SPATA6L: variants seen among roughly 807,000 people sequenced by gnomAD.
SPATA6L encodes spermatogenesis associated 6 like, also known as spermatogenesis associated 6-like protein.
SPATA6L carries 68 observed loss-of-function variants against 49.2 expected under a neutral mutation model. The ratio of observed to expected loss-of-function variants is 1.38; its 90% CI spans 1.14 to 1.69. SPATA6L has a LOEUF of 1.69. Ranked by LOEUF, SPATA6L falls within the 40% of genes most tolerant of loss-of-function variation. The probability of loss-of-function intolerance (pLI) is 0.00; values close to 1 mark genes in which losing one functional copy is unlikely to be tolerated. For missense variants in SPATA6L, 668 were observed against 464.3 expected (o/e 1.44, Z -4.03); for synonymous variants, 198 against 165.7 (o/e 1.19, Z -1.50).
At chr9:4,641,789 T>C (rs10815047) in intron 3 of SPATA6L, among the ~76,000 whole-genome samples, 10,551 of 152,300 alleles carry the variant, frequency 0.069, 606 homozygotes, top group African/African-American at 0.14. Flanking sequence ...TTTTGTTTTG[T>C]TGAGACAGGG....
At chr9:4,605,562 T>C in intron 9 of SPATA6L, 122 bp from the exon 10 acceptor site, 1 of 648,636 alleles carries the variant, frequency 1.5e-6, no homozygotes, top group African/African-American at 1.8e-5. Context: ...GCATGCAAAA[T>C]GGTAAACATA....
chr9:4,641,892 C>A (rs1834112776), intron 3 of SPATA6L, among the ~76,000 whole-genome samples: 1 of 152,184 alleles, frequency 6.6e-6, no homozygotes. Flanking sequence ...CCCAGCCTCC[C>A]AAGTAGCTGG....
chr9:4,649,120 T>A (rs59707478), intron 3 of SPATA6L, among the ~76,000 whole-genome samples: 1 of 151,946 alleles, frequency 6.6e-6, no homozygotes, highest in Admixed American at 6.6e-5. Context: ...TATCCACTCG[T>A]TGATTGATGG....
intron 6 of SPATA6L, 168 bp downstream of exon 6, chr9:4,625,159 G>A (rs1022278912): frequency 2.6e-5 from 33 of 1,277,742 alleles, no homozygotes; most frequent in Non-Finnish European, 3.2e-5. Context: ...GGGGTTTCCT[G>A]ACAACGATCT....
Position 4,598,739 on chromosome 9 carries a change from T to C in SPATA6L, c.*2072A>G, listed in dbSNP as rs1822562076. Among the ~76,000 whole-genome samples, 1 of 152,230 alleles carries C rather than the reference T, an allele frequency of 6.6e-6. No individual in the cohort carries two copies. The highest frequency in any genetic ancestry group is 2.1e-4 in the South Asian group (1 of 4,834). ...GCTGCTTACGTAAGCAGCCCTCTCC[T>C]GAGACTTATAGCGTAACCTTAATGT... On this transcript the variant is annotated 3_prime_UTR_variant, in exon 12 of 12. Transcript: ENST00000682582.
chr9:4,650,954 G>A (rs1051284437), intron 3 of SPATA6L, among the ~76,000 whole-genome samples: 10 of 151,786 alleles, frequency 6.6e-5, no homozygotes, highest in Non-Finnish European at 1.5e-4. Flanking sequence ...TGCTCGCCTT[G>A]GCCTCCCAAA....
intron 1 of SPATA6L, chr9:4,664,900 G>T (rs1278726689): frequency 6.0e-6 from 1 of 167,106 alleles, no homozygotes; most frequent in African/African-American, 2.4e-5. Flanking sequence ...TGCTAAAGCA[G>T]CTAAACTGTG....
chr9:4,606,597 G>A lies in SPATA6L; in HGVS notation c.996-1157C>T, dbSNP rs1211168642. On this transcript the variant is annotated intron_variant, in intron 9 of 11. Transcript: ENST00000682582. The stretch of plus-strand genomic sequence containing the variant: ...CCTGCAGCTGAGGGTCCTGTTAGAA[G>A]GAAAACTAACAAACAGAAAGGACAT... Among the ~76,000 whole-genome samples, 2 of 37,094 alleles carry A rather than the reference G, an allele frequency of 5.4e-5. 1 individual carries two copies. Among genetic ancestry groups the A allele is most frequent in the Non-Finnish European group, 1.3e-4 (2 of 14,970 alleles). The allele number at this position is 37,094 out of a possible 152,430, so 24.3% of individuals were successfully genotyped here. A position where few individuals can be genotyped will look rare whatever the true frequency, so the allele number is the denominator to read the frequency against.
chr9:4,654,624 G>A (rs555217867), intron 3 of SPATA6L, among the ~76,000 whole-genome samples: 1 of 152,232 alleles, frequency 6.6e-6, no homozygotes, highest in Non-Finnish European at 1.5e-5. Flanking sequence ...TTTATTGAGT[G>A]GGGGTAGCTT....
rs746572781 is a variant in SPATA6L, at chr9:4,599,063, C to T, written c.*1748G>A. Reference sequence around the variant, plus strand: ...AGGGGATAGGACCCAAGTCTAAACACGAAATTCATTTACGTTTTATATACA... The same window carrying T: ...AGGGGATAGGACCCAAGTCTAAACATGAAATTCATTTACGTTTTATATACA... On this transcript the variant is annotated 3_prime_UTR_variant, in exon 12 of 12. Transcript: ENST00000682582. Among the ~76,000 whole-genome samples, 15 of 152,286 alleles carry T rather than the reference C, an allele frequency of 9.8e-5. No homozygotes were observed. The highest frequency in any genetic ancestry group is 1.5e-4 in the Non-Finnish European group (10 of 68,016).
intron 7 of SPATA6L, among the ~76,000 whole-genome samples, chr9:4,620,451 A>C (rs1003830522): frequency 7.2e-5 from 11 of 152,178 alleles, no homozygotes; most frequent in African/African-American, 2.7e-4. Flanking sequence ...GAAAAGGAGA[A>C]TCCTAAGCTC....
At chr9:4,651,854 T>C (rs1484959643) in intron 3 of SPATA6L, among the ~76,000 whole-genome samples, 1 of 152,176 alleles carries the variant, frequency 6.6e-6, no homozygotes, top group Non-Finnish European at 1.5e-5. Flanking sequence ...CAACTAATGG[T>C]GAAAAACTGA....
At chr9:4,605,128 C>A (rs1453126213) in intron 10 of SPATA6L, among the ~76,000 whole-genome samples, 1 of 152,134 alleles carries the variant, frequency 6.6e-6, no homozygotes, top group Non-Finnish European at 1.5e-5. Context: ...ATCCAAGCCC[C>A]ACTGTCTCAT....
rs1822586212 is a variant in SPATA6L at position 4,598,854 on chromosome 9, T to C, written c.*1957A>G. ...CATAGTTTCAGAGAGACTGAGAACA[T>C]ATTAGCATATGTAATTTAAGCTTGC... On this transcript the variant is annotated 3_prime_UTR_variant, in exon 12 of 12. Coordinates refer to ENST00000682582, the MANE Select transcript of SPATA6L (RefSeq NM_001353486.2). 6.6e-6 allele frequency among the ~76,000 whole-genome samples: 1 copy of C among 152,234 alleles called. No individual in the cohort carries two copies. Among genetic ancestry groups the C allele is most frequent in the South Asian group, 2.1e-4 (1 of 4,836 alleles).
At position 4,662,965 on chromosome 9, in the gene SPATA6L, T is replaced by G. The variant is rs375555608; in HGVS notation, c.40-929A>C. 7 of 1,612,600 alleles carry G rather than the reference T, an allele frequency of 4.3e-6. No homozygotes were observed. The highest frequency in any genetic ancestry group is 5.9e-6 in the Non-Finnish European group (7 of 1,179,898). The stretch of plus-strand genomic sequence containing the variant: ...AGGCGCCGCCCGGCCCACAACCAGA[T>G]GGACATGTTTGTCACTCTCTCGGTG... On this transcript the variant is annotated intron_variant, in intron 1 of 11. Transcript: ENST00000682582. The surrounding 1 kb of genome is among the most constrained non-coding windows in gnomAD (Gnocchi z 4.9).
In SPATA6L at chr9:4,599,072, T is replaced by C. The variant is rs939609730; in HGVS notation, c.*1739A>G. 6.6e-5 allele frequency among the ~76,000 whole-genome samples: 10 copies of C among 152,248 alleles called. No homozygotes were observed. The highest frequency in any genetic ancestry group is 2.4e-4 in the African/African-American group (10 of 41,470). On this transcript the variant is annotated 3_prime_UTR_variant, in exon 12 of 12. Transcript: ENST00000682582. ...GACCCAAGTCTAAACACGAAATTCATTTACGTTTTATATACACTTTATACA... is the reference window on the plus strand; with the variant it reads ...GACCCAAGTCTAAACACGAAATTCACTTACGTTTTATATACACTTTATACA...
chr9:4,596,528 T>C (rs1447058490), downstream of SPATA6L: 1 of 152,148 alleles, frequency 6.6e-6, no homozygotes, highest in Non-Finnish European at 1.5e-5. Context: ...TGAGTGTCCG[T>C]TCCTGGAGAA....
At chr9:4,650,485 T>C (rs1045451527) in intron 3 of SPATA6L, among the ~76,000 whole-genome samples, 2 of 151,906 alleles carry the variant, frequency 1.3e-5, no homozygotes, top group South Asian at 2.1e-4. Flanking sequence ...AGTAATGAAA[T>C]AGAAAACAGA....
In SPATA6L at chr9:4,662,788, A is replaced by C; in HGVS notation, c.40-752T>G. The C allele has an allele frequency of 6.2e-7, 1 of 1,605,168 alleles. No individual in the cohort carries two copies. The highest frequency in any genetic ancestry group is 1.7e-4 in the Middle Eastern group (1 of 6,058). ...GTGCGACCCCTTATGAAGCTGCTGG[A>C]GATCTCGGGACACGGCATCCCCTGG... On this transcript the variant is annotated intron_variant, in intron 1 of 11. Coordinates refer to ENST00000682582, the MANE Select transcript of SPATA6L (RefSeq NM_001353486.2). This position sits in a 1 kb window ranked among gnomAD's most constrained non-coding sequence, Gnocchi z 4.9.
Sources: allele counts gnomAD v4.1 joint callset (sites outside exome capture counted in the v4.1 genomes callset), GRCh38; gene constraint gnomAD v4.1.1; non-coding constraint Gnocchi (gnomAD v3.1); transcripts MANE v1.5; gene names NCBI Gene and HGNC (gene_info 2026-07-23, HGNC 2026-07-21).